Variants in DIAPH2 observed in about 807,000 individuals in gnomAD.
DIAPH2 encodes the protein diaphanous related formin 2, also known as protein diaphanous homolog 2.
DIAPH2 carries 35 observed loss-of-function variants against 92.7 expected under a neutral mutation model. The observed-to-expected ratio is 0.38, with a 90% CI of 0.29 to 0.50. The LOEUF is 0.50. DIAPH2 is among the 20% of genes least tolerant of loss of function. DIAPH2 has a pLI of 0.94. For synonymous variants in DIAPH2, 301 were observed against 280.4 expected (o/e 1.07, Z -0.73); for missense variants, 701 against 819.5 (o/e 0.86, Z 1.77).
intron 26 of DIAPH2, among the ~76,000 whole-genome samples, chrX:97,576,073 G>A (rs1380186989): frequency 9.0e-6 from 1 of 111,351 alleles, no homozygotes; most frequent in African/African-American, 3.3e-5. Context: ...GAGAGATTTT[G>A]AGGCTGGGAT....
chrX:96,826,809 A>C (rs2064818922), intron 4 of DIAPH2, among the ~76,000 whole-genome samples: 1 of 111,585 alleles, frequency 9.0e-6, no homozygotes, highest in Non-Finnish European at 1.9e-5. Flanking sequence ...CTGGACTTAA[A>C]CCCCTAGGCC....
At chrX:97,264,704 G>A (rs1417500207) in intron 23 of DIAPH2, among the ~76,000 whole-genome samples, 3 of 112,110 alleles carry the variant, frequency 2.7e-5, no homozygotes, top group East Asian at 2.8e-4. Context: ...GACTTTATTC[G>A]GCTGGGCGCA....
At chrX:97,178,053 C>CA (rs1156338753) in intron 22 of DIAPH2, among the ~76,000 whole-genome samples, 2 of 110,597 alleles carry the variant, frequency 1.8e-5, no homozygotes, top group Non-Finnish European at 3.8e-5. Context: ...TACAAAAATA[C>CA]AAAAAAAGTT....
intron 17 of DIAPH2, among the ~76,000 whole-genome samples, chrX:96,973,511 C>T (rs957945431): frequency 9.0e-6 from 1 of 111,057 alleles, no homozygotes; most frequent in African/African-American, 3.3e-5. Context: ...GTAAAAAATA[C>T]AGTATAACAA....
intron 26 of DIAPH2, among the ~76,000 whole-genome samples, chrX:97,538,026 A>G (rs2071110497): frequency 9.2e-6 from 1 of 108,621 alleles, no homozygotes; most frequent in South Asian, 4.1e-4. Context: ...CTGGGACTAC[A>G]GGCGCCCGCC....
chrX:96,699,907 C>T (rs1408956598), intron 1 of DIAPH2, among the ~76,000 whole-genome samples: 7 of 112,567 alleles, frequency 6.2e-5, no homozygotes, highest in African/African-American at 9.7e-5. Context: ...TCATTTTCAT[C>T]GTAGTGAGTT....
intron 20 of DIAPH2, among the ~76,000 whole-genome samples, chrX:97,113,007 T>A (rs1437421389): frequency 9.2e-6 from 1 of 109,273 alleles, no homozygotes; most frequent in Non-Finnish European, 1.9e-5. Context: ...CTCAAACTCC[T>A]GACCTCAAGT....
intron 23 of DIAPH2, among the ~76,000 whole-genome samples, chrX:97,322,519 G>A (rs1344159949): frequency 9.0e-6 from 1 of 111,301 alleles, no homozygotes; most frequent in East Asian, 2.8e-4. Context: ...TTTTTATGAA[G>A]CACTAACTCC....
chrX:96,755,699 T>G (rs780690083), intron 3 of DIAPH2, among the ~76,000 whole-genome samples: 1 of 96,729 alleles, frequency 1.0e-5, no homozygotes, highest in Admixed American at 1.1e-4. Context: ...TCTTCGCCAA[T>G]TAGTTTATTT....
At chrX:97,294,380 G>C (rs192637352) in intron 23 of DIAPH2, among the ~76,000 whole-genome samples, 126 of 112,135 alleles carry the variant, frequency 1.1e-3, no homozygotes, top group African/African-American at 3.7e-3. Flanking sequence ...AGAAAACTGA[G>C]ACCCAGAAAG....
chrX:96,867,322 G>A lies in DIAPH2; in HGVS notation c.448-14257G>A, dbSNP rs1342678404. The stretch of plus-strand genomic sequence containing the variant: ...CAACCTCCGCCACCCAGGTTCAAGC[G>A]ATTCTCCTGCCTCAGCCTCCCAAGT... On this transcript the variant is annotated intron_variant, in intron 4 of 26. Coordinates refer to ENST00000324765, the MANE Select transcript of DIAPH2 (RefSeq NM_006729.5). Among the ~76,000 whole-genome samples, 3 of 110,904 alleles carry A rather than the reference G, an allele frequency of 2.7e-5. No individual in the cohort carries two copies. The Admixed American group carries it at 2.9e-4, about 11-fold the overall frequency.
rs186873919 is a variant in DIAPH2 at position 97,069,681 on chromosome X, C to T, written c.2051-3260C>T. Among the ~76,000 whole-genome samples the T allele has an allele frequency of 5.6e-4, 63 of 111,850 alleles. No homozygotes were observed. In the East Asian group the frequency reaches 5.9e-3, roughly 11 times the overall value. On this transcript the variant is annotated intron_variant, in intron 17 of 26. Coordinates refer to ENST00000324765, the MANE Select transcript of DIAPH2 (RefSeq NM_006729.5). ...ATTCTGGCCATAGAAATCAGTCTTT[C>T]TCACTGAAATTTTAAGATAAAGTAG... is the stretch of plus-strand genomic sequence containing the variant.
At chrX:97,514,379 C>G (rs867652551) in intron 26 of DIAPH2, among the ~76,000 whole-genome samples, 2,319 of 35,338 alleles carry the variant, frequency 0.066, no homozygotes, top group African/African-American at 0.082. Flanking sequence ...TTAAGCACTT[C>G]TCTGTATTGG....
At chrX:96,928,832 A>G (rs1333141290) in intron 9 of DIAPH2, among the ~76,000 whole-genome samples, 1 of 111,651 alleles carries the variant, frequency 9.0e-6, no homozygotes, top group Non-Finnish European at 1.9e-5. Flanking sequence ...ATGTTCATAC[A>G]TTGTATGTAA....
At chrX:96,826,374 G>A (rs906045233) in intron 4 of DIAPH2, among the ~76,000 whole-genome samples, 1 of 109,918 alleles carries the variant, frequency 9.1e-6, no homozygotes, top group Non-Finnish European at 1.9e-5. Flanking sequence ...CTGAGATCAC[G>A]CCACTGCATT....
intron 17 of DIAPH2, among the ~76,000 whole-genome samples, chrX:97,004,014 G>C (rs1157881031): frequency 9.0e-6 from 1 of 111,358 alleles, no homozygotes; most frequent in African/African-American, 3.3e-5. Flanking sequence ...TAGATATCCA[G>C]TTTTCCAAAT....
chrX:97,360,602 C>T (rs936031828), intron 24 of DIAPH2, among the ~76,000 whole-genome samples: 2 of 111,380 alleles, frequency 1.8e-5, no homozygotes, highest in Non-Finnish European at 3.8e-5. Flanking sequence ...CCAGCCCAGG[C>T]GACAGAGCAA....
intron 22 of DIAPH2, among the ~76,000 whole-genome samples, chrX:97,206,234 A>G (rs1396700642): frequency 1.8e-5 from 2 of 111,569 alleles, no homozygotes; most frequent in African/African-American, 6.5e-5. Context: ...TGATGGGTTG[A>G]TGAGTGCAGC....
intron 4 of DIAPH2, among the ~76,000 whole-genome samples, chrX:96,814,195 C>T (rs769848497): frequency 1.5e-3 from 172 of 111,683 alleles, no homozygotes; most frequent in South Asian, 4.1e-3. Flanking sequence ...TCACATATTC[C>T]CATATTTCTT....
Sources: allele counts gnomAD v4.1 joint callset (sites outside exome capture counted in the v4.1 genomes callset), GRCh38; gene constraint gnomAD v4.1.1; transcripts MANE v1.5; gene names NCBI Gene and HGNC (gene_info 2026-07-23, HGNC 2026-07-21).